Variants in CUBN observed in about 807,000 individuals in gnomAD.
The protein encoded by CUBN is 460 kDa receptor.
Under a neutral mutation model 405.3 loss-of-function variants are expected in CUBN, and 282 were observed. The ratio of observed to expected loss-of-function variants is 0.70; its 90% CI spans 0.63 to 0.77. The LOEUF (loss-of-function observed/expected upper bound fraction) is 0.77, where lower values mean the gene tolerates loss of function less well. Ranked by LOEUF, CUBN falls within the 30% of genes least tolerant of loss-of-function variation. The pLI is 0.00. For missense variants in CUBN, 4,514 were observed against 4,475.2 expected, an observed-to-expected ratio of 1.01 and a Z score of -0.25; for synonymous variants, 1,684 against 1,617.0, an observed-to-expected ratio of 1.04 and a Z score of -0.99.
chr10:16,977,469 C>T (rs778988099), intron 31 of CUBN, among the ~76,000 whole-genome samples: 1 of 152,136 alleles, frequency 6.6e-6, no homozygotes. Context: ...AAGAAGAAAT[C>T]GGCCATGGGA....
intron 4 of CUBN, among the ~76,000 whole-genome samples, chr10:17,124,758 T>C (rs1432680465): frequency 6.8e-6 from 1 of 148,148 alleles, no homozygotes; most frequent in Non-Finnish European, 1.5e-5. Flanking sequence ...GAACACTTGA[T>C]TATGCAATGA....
chr10:16,879,572 C>A (rs561978459), intron 56 of CUBN, among the ~76,000 whole-genome samples: 2 of 152,202 alleles, frequency 1.3e-5, no homozygotes, highest in African/African-American at 4.8e-5. Context: ...TACAAGAGCA[C>A]GCTGACAAAA....
intron 58 of CUBN, among the ~76,000 whole-genome samples, chr10:16,871,553 G>A (rs986329582): frequency 1.3e-5 from 2 of 151,836 alleles, no homozygotes; most frequent in Admixed American, 6.6e-5. Flanking sequence ...GATGAAAACC[G>A]TATTGATTTT....
intron 36 of CUBN, among the ~76,000 whole-genome samples, chr10:16,941,081 T>A (rs770858500): frequency 6.6e-6 from 1 of 152,206 alleles, no homozygotes. Context: ...TAGGTGCTAG[T>A]TGAGTACTTT....
In CUBN at chr10:17,017,500, G is replaced by A. The variant is rs182892910; in HGVS notation, c.4168+2333C>T. On this transcript the variant is annotated intron_variant, in intron 28 of 66. Coordinates refer to ENST00000377833, the MANE Select transcript of CUBN (RefSeq NM_001081.4). Reference sequence around the variant, plus strand: ...TTATGCCCCAAAAATGAAGCAGAGGGCCATATCCTGAGGAAGGGAAGGGAT... The same window carrying A: ...TTATGCCCCAAAAATGAAGCAGAGGACCATATCCTGAGGAAGGGAAGGGAT... Among the ~76,000 whole-genome samples, 423 of 152,270 alleles carry A rather than the reference G, an allele frequency of 2.8e-3. 3 individuals carry two copies. The highest frequency in any genetic ancestry group is 9.7e-3 in the African/African-American group (405 of 41,548).
Position 16,829,182 on chromosome 10 carries a change from T to C in CUBN, c.10529-142A>G, listed in dbSNP as rs1236211779. 11 of 709,358 alleles carry C rather than the reference T, an allele frequency of 1.6e-5. No homozygotes were observed. In the African/African-American group the frequency reaches 1.7e-4, roughly 11 times the overall value. 43.9% of individuals were successfully genotyped at this position (709,358 alleles called of 1,614,324 possible). ...AGGCAGAAATCCCTTTTCCTTTTCC[T>C]CTTCTTTGGGCTACACCCTTTCTCC... On this transcript the variant is annotated intron_variant, in intron 65 of 66. Coordinates refer to ENST00000377833, the MANE Select transcript of CUBN (RefSeq NM_001081.4).
intron 40 of CUBN, among the ~76,000 whole-genome samples, chr10:16,931,985 G>A (rs1027701246): frequency 1.4e-4 from 22 of 152,180 alleles, no homozygotes; most frequent in African/African-American, 4.8e-4. Context: ...TACATGAAAA[G>A]TTTTAAATTT....
chr10:16,912,862 T>C (rs1841771985), intron 48 of CUBN, among the ~76,000 whole-genome samples: 1 of 152,098 alleles, frequency 6.6e-6, no homozygotes, highest in African/African-American at 2.4e-5. Context: ...CATTAGAGGA[T>C]TTTCAAAGGC....
chr10:16,931,121 G>T (rs1842352217), intron 40 of CUBN, among the ~76,000 whole-genome samples: 1 of 151,686 alleles, frequency 6.6e-6, no homozygotes. Context: ...AAAATTAGCT[G>T]AGTGCGGTGG....
At chr10:16,926,345 C>T (rs1307682043) in intron 41 of CUBN, among the ~76,000 whole-genome samples, 1 of 152,100 alleles carries the variant, frequency 6.6e-6, no homozygotes, top group Non-Finnish European at 1.5e-5. Context: ...CTAGGTCATG[C>T]AGGAAACTGA....
intron 22 of CUBN, among the ~76,000 whole-genome samples, chr10:17,060,758 T>C (rs1474682877): frequency 6.6e-6 from 1 of 152,012 alleles, no homozygotes; most frequent in Non-Finnish European, 1.5e-5. Flanking sequence ...GTCCAAAGTA[T>C]TCCAAATTAT....
chr10:17,047,653 T>G, intron 22 of CUBN, 50 bp from the exon 23 acceptor site: 4 of 1,470,404 alleles, frequency 2.7e-6, no homozygotes, highest in Non-Finnish European at 9.5e-7. Context: ...TATTGATATG[T>G]TTATAATACA....
In CUBN at chr10:16,976,127, T is replaced by C. The variant is rs187355975; in HGVS notation, c.4695+6357A>G. Among the ~76,000 whole-genome samples the C allele has an allele frequency of 2.4e-3, 369 of 152,090 alleles. 2 individuals are homozygous for C. The highest frequency in any genetic ancestry group is 4.4e-3 in the Non-Finnish European group (297 of 67,990). On this transcript the variant is annotated intron_variant, in intron 31 of 66. Coordinates refer to ENST00000377833, the MANE Select transcript of CUBN (RefSeq NM_001081.4). ...CTGGGATTACAGGTCTGTGCCACCA[T>C]GCTTGGCTAATTTTTTAACTGTTTT...
intron 34 of CUBN, 152 bp from the exon 35 acceptor site, chr10:16,948,758 G>A: frequency 1.1e-6 from 1 of 880,252 alleles, no homozygotes; most frequent in South Asian, 1.4e-5. Flanking sequence ...GTCAATGTTT[G>A]AGACAATACC....
intron 31 of CUBN, among the ~76,000 whole-genome samples, chr10:16,956,427 T>C (rs1319564499): frequency 3.9e-5 from 6 of 151,996 alleles, no homozygotes; most frequent in African/African-American, 1.2e-4. Context: ...CCAATTCAAA[T>C]TATAATTTCC....
chr10:17,004,138 TCA>T (rs1226278183), intron 28 of CUBN, among the ~76,000 whole-genome samples: 4 of 152,166 alleles, frequency 2.6e-5, no homozygotes, highest in African/African-American at 9.7e-5. Context: ...CTCTAAAATC[TCA>T]CAGAGTCCGT....
At chr10:17,052,270 C>T (rs986312909) in intron 22 of CUBN, among the ~76,000 whole-genome samples, 2 of 152,064 alleles carry the variant, frequency 1.3e-5, no homozygotes, top group Non-Finnish European at 2.9e-5. Context: ...AAGACTTGTA[C>T]TGTATGAAAT....
chr10:16,885,817 T>A (rs532682482), intron 56 of CUBN, among the ~76,000 whole-genome samples: 1 of 152,360 alleles, frequency 6.6e-6, no homozygotes, highest in East Asian at 1.9e-4. Flanking sequence ...TTTAACTTAA[T>A]GACCACAAAC....
intron 56 of CUBN, among the ~76,000 whole-genome samples, chr10:16,884,714 G>A (rs1840762079): frequency 6.6e-6 from 1 of 152,118 alleles, no homozygotes; most frequent in Non-Finnish European, 1.5e-5. Flanking sequence ...TCCCTTCATG[G>A]TAAAACCCTC....
Sources: gnomAD v4.1 joint callset for allele counts (sites outside exome capture counted in the v4.1 genomes callset) on GRCh38, gnomAD v4.1.1 for gene constraint, MANE v1.5 for transcripts, NCBI Gene and HGNC (gene_info 2026-07-23, HGNC 2026-07-21) for gene names.